The following SNX8 variants were observed in gnomAD, a reference collection of about 807,000 sequenced individuals.
SNX8 encodes sorting nexin 8, also known as sorting nexin-8.
A neutral mutation model predicts 51.6 loss-of-function variants in SNX8; 25 were observed. That is an observed-to-expected ratio of 0.48 (90% CI 0.35 to 0.68). SNX8 has a LOEUF of 0.68. Ranked by LOEUF, SNX8 falls within the 30% of genes least tolerant of loss-of-function variation. SNX8 has a pLI of 0.00. For synonymous variants in SNX8, 324 were observed against 277.0 expected, an observed-to-expected ratio of 1.17 and a Z score of -1.68; for missense variants, 695 against 624.0, an observed-to-expected ratio of 1.11 and a Z score of -1.21.
chr7:2,284,042 G>A (rs1036778776), intron 1 of SNX8, among the ~76,000 whole-genome samples: 6 of 152,246 alleles, frequency 3.9e-5, no homozygotes, highest in East Asian at 1.9e-4. Context: ...TGATCTACCC[G>A]CCTCTGCTTC....
At position 2,264,307 on chromosome 7, in the gene SNX8, T is replaced by G. The variant is rs1795409488; in HGVS notation, c.773A>C (p.Lys258Thr). 1 of 1,611,092 alleles carries G rather than the reference T, an allele frequency of 6.2e-7. No homozygotes were observed. The highest frequency in any genetic ancestry group is 8.5e-7 in the Non-Finnish European group (1 of 1,178,558). ...DNAADLLIFG[K>T]ELSAIGSDTT... ...CTGAAAGGTCACCTACCTTAGCTCC[T>G]TCCCGAATATGAGAAGATCTGCCGC... Residue 258 changes from lysine (K) to threonine (T), a missense_variant, in exon 6 of 11, where the codon AAG (lysine) becomes ACG (threonine). Transcript: ENST00000222990.
intron 1 of SNX8, among the ~76,000 whole-genome samples, chr7:2,292,670 C>T (rs777746636): frequency 6.6e-5 from 10 of 152,156 alleles, no homozygotes; most frequent in Non-Finnish European, 1.0e-4. Context: ...CTCGGCCTCC[C>T]GAAGTGCTGG....
chr7:2,308,297 AG>A (rs1239974123), intron 1 of SNX8, among the ~76,000 whole-genome samples: 1 of 152,156 alleles, frequency 6.6e-6, no homozygotes, highest in African/African-American at 2.4e-5. Flanking sequence ...AAAAGAAAAA[AG>A]TAACAAAACT....
intron 1 of SNX8, among the ~76,000 whole-genome samples, chr7:2,290,984 T>C (rs1028216462): frequency 6.6e-6 from 1 of 152,214 alleles, no homozygotes; most frequent in Non-Finnish European, 1.5e-5. Flanking sequence ...TCAGTGTTTC[T>C]ACCTTGAAGC....
intron 1 of SNX8, among the ~76,000 whole-genome samples, chr7:2,335,668 T>C (rs961480927): frequency 2.0e-5 from 3 of 151,802 alleles, no homozygotes; most frequent in Non-Finnish European, 4.4e-5. Context: ...CTGGGCGTGG[T>C]GGCAGGCGCC....
chr7:2,342,678 T>C (rs980715249), intron 1 of SNX8, among the ~76,000 whole-genome samples: 1 of 151,444 alleles, frequency 6.6e-6, no homozygotes, highest in African/African-American at 2.4e-5. Context: ...AGGATAGAAT[T>C]ACAGTGCATG....
chr7:2,336,746 CCT>C (rs1171226624), intron 1 of SNX8, among the ~76,000 whole-genome samples: 16 of 151,728 alleles, frequency 1.1e-4, no homozygotes, highest in Non-Finnish European at 2.2e-4. Context: ...GTGGCTCACC[CCT>C]GTTATCCCAG....
intron 1 of SNX8, among the ~76,000 whole-genome samples, chr7:2,322,832 C>A (rs181610103): frequency 0.015 from 2,214 of 149,434 alleles, 50 homozygotes; most frequent in African/African-American, 0.052. Context: ...GCCTGGGCAA[C>A]ATGGTGAAAC....
intron 1 of SNX8, among the ~76,000 whole-genome samples, chr7:2,282,750 G>A: frequency 6.6e-6 from 1 of 152,196 alleles, no homozygotes. Context: ...GCCGAGGCAG[G>A]TGGATCACCT....
At chr7:2,277,029 C>T (rs1410257965) in intron 2 of SNX8, among the ~76,000 whole-genome samples, 1 of 152,232 alleles carries the variant, frequency 6.6e-6, no homozygotes, top group Non-Finnish European at 1.5e-5. Context: ...CTGGCAGTGC[C>T]GTCCGGCCGG....
At chr7:2,345,239 C>T (rs1431663864) in intron 1 of SNX8, among the ~76,000 whole-genome samples, 1 of 152,112 alleles carries the variant, frequency 6.6e-6, no homozygotes, top group African/African-American at 2.4e-5. Flanking sequence ...GTGATATATT[C>T]ATGCAATGTA....
rs1462022786 is a variant in SNX8 at position 2,335,975 on chromosome 7, C to A, written c.-66+18247G>T. Among the ~76,000 whole-genome samples the A allele has an allele frequency of 2.0e-5, 3 of 151,688 alleles. No homozygotes were observed. In the Admixed American group the frequency reaches 2.0e-4, roughly 10 times the overall value. On this transcript the variant is annotated intron_variant, in intron 1 of 5. Coordinates refer to the SNX8 transcript ENST00000435336. ...AAAATTAGCTGGGCATGGTGTCAGGCGTCTGTCATCCCAGATACTTGAGAG... is the reference window on the plus strand; with the variant it reads ...AAAATTAGCTGGGCATGGTGTCAGGAGTCTGTCATCCCAGATACTTGAGAG...
intron 1 of SNX8, among the ~76,000 whole-genome samples, chr7:2,280,004 C>T (rs1052441240): frequency 1.3e-5 from 2 of 152,114 alleles, no homozygotes; most frequent in African/African-American, 4.8e-5. Context: ...TCACAGTGAA[C>T]ACATTACTTT....
In SNX8 at chr7:2,264,172, C is replaced by G. The variant is rs984430559; in HGVS notation, c.782+126G>C. On this transcript the variant is annotated intron_variant, in intron 6 of 10. Transcript: ENST00000222990. Reference sequence around the variant, plus strand: ...CCATGTGCCTGAGCCACTTTCTGCCCCTTCTGAGATGAAACAGGTCAGGAT... The same window carrying G: ...CCATGTGCCTGAGCCACTTTCTGCCGCTTCTGAGATGAAACAGGTCAGGAT... The G allele has an allele frequency of 3.3e-6, 3 of 903,782 alleles. No homozygotes were observed. In the African/African-American group the frequency reaches 5.0e-5, roughly 15 times the overall value. The allele number at this position is 903,782 out of a possible 1,614,324, so 56.0% of individuals were successfully genotyped here.
chr7:2,347,789 G>T (rs898811275), intron 1 of SNX8, among the ~76,000 whole-genome samples: 2 of 151,906 alleles, frequency 1.3e-5, no homozygotes, highest in Non-Finnish European at 2.9e-5. Context: ...GGAATTACAG[G>T]CGTGTGCCAC....
intron 8 of SNX8, 79 bp downstream of exon 8, chr7:2,257,656 C>T: frequency 6.4e-7 from 1 of 1,573,146 alleles, no homozygotes; most frequent in South Asian, 1.1e-5. Context: ...TCTTCCGTCC[C>T]CCAGGAGTTA....
chr7:2,277,668 G>C (rs546543605), intron 2 of SNX8, among the ~76,000 whole-genome samples: 1 of 151,950 alleles, frequency 6.6e-6, no homozygotes, highest in African/African-American at 2.4e-5. Context: ...TTTGCCAGGC[G>C]TGGTGGCGGG....
chr7:2,308,713 G>C (rs1796601200), intron 1 of SNX8, among the ~76,000 whole-genome samples: 1 of 150,258 alleles, frequency 6.7e-6, no homozygotes, highest in Non-Finnish European at 1.5e-5. Flanking sequence ...GCGAAATGGG[G>C]CAGAAGGTTT....
At position 2,256,758 on chromosome 7, in the gene SNX8, C is replaced by T. The variant is rs770543286; in HGVS notation, c.1284+116G>A. 32 of 1,029,244 alleles carry T rather than the reference C, an allele frequency of 3.1e-5. No individual in the cohort carries two copies. In the Middle Eastern group the frequency reaches 1.3e-3, roughly 41 times the overall value. 63.8% of individuals were successfully genotyped at this position (1,029,244 alleles called of 1,614,324 possible). ...GTTCCAAGGCCCATGCGGAGCCCAA[C>T]TCCACTAAAGAACCTCTCTAGGGCG... On this transcript the variant is annotated intron_variant, in intron 10 of 10. Coordinates refer to ENST00000222990, the MANE Select transcript of SNX8 (RefSeq NM_013321.4).
Sources: allele counts gnomAD v4.1 joint callset (sites outside exome capture counted in the v4.1 genomes callset), GRCh38; gene constraint gnomAD v4.1.1; transcripts MANE v1.5; gene names NCBI Gene and HGNC (gene_info 2026-07-23, HGNC 2026-07-21).